The following NUDT9 variants were observed in gnomAD, a reference collection of about 807,000 sequenced individuals.
NUDT9 encodes ADP-ribose pyrophosphatase.
In NUDT9, 31 loss-of-function variants were observed where a neutral mutation model predicts 41.0. That is an observed-to-expected ratio of 0.76 (90% CI 0.57 to 1.02). The LOEUF is 1.02. Among genes scored for constraint, NUDT9 ranks in the 50% least tolerant of loss-of-function variants. The pLI is 0.00. For missense variants in NUDT9, 380 were observed against 431.4 expected (o/e 0.88, Z 1.06); for synonymous variants, 146 against 147.6 (o/e 0.99, Z 0.08).
intron 6 of NUDT9, among the ~76,000 whole-genome samples, chr4:87,452,255 G>A (rs1274724189): frequency 6.6e-6 from 1 of 151,914 alleles, no homozygotes; most frequent in African/African-American, 2.4e-5. Flanking sequence ...TGCCCGCCTC[G>A]GCCTCCCAAA....
chr4:87,449,166 T>C lies in NUDT9; in HGVS notation c.555T>C (p.Asn185=), dbSNP rs1722600651. The C allele has an allele frequency of 1.2e-6, 2 of 1,606,986 alleles. No homozygotes were observed. The highest frequency in any genetic ancestry group is 1.7e-6 in the Non-Finnish European group (2 of 1,173,734). Reference sequence around the variant, plus strand: ...GATGGAAAAGGGATAGCAGTGGAAATAAAATCATGCATCCTGTTTCTGGGA... The same window carrying C: ...GATGGAAAAGGGATAGCAGTGGAAACAAAATCATGCATCCTGTTTCTGGGA... ...ITRWKRDSSG[N]KIMHPVSGKH... is the part of the protein sequence containing the mutation. The change falls in exon 5 of 8, where the codon AAT becomes AAC. Residue 185 remains asparagine (N), a synonymous_variant. Transcript: ENST00000302174.
intron 7 of NUDT9, among the ~76,000 whole-genome samples, chr4:87,455,037 C>T (rs1578082060): frequency 6.6e-6 from 1 of 152,314 alleles, no homozygotes; most frequent in South Asian, 2.1e-4. Flanking sequence ...TCTTAATGTA[C>T]ACATTGAATG....
chr4:87,422,647 G>A lies in NUDT9; in HGVS notation c.-259G>A, dbSNP rs1578060574. 1 of 356,516 alleles carries A rather than the reference G, an allele frequency of 2.8e-6. No individual in the cohort carries two copies. Among genetic ancestry groups the A allele is most frequent in the Non-Finnish European group, 5.0e-6 (1 of 199,346 alleles). 22.1% of individuals were successfully genotyped at this position (356,516 alleles called of 1,614,324 possible). ...GTGGCCGCGGTTTCCCCAGGCAGCT[G>A]GCGCTGGAGGCTTCGGCGTCACGTG... is the stretch of plus-strand genomic sequence containing the variant. On this transcript the variant is annotated 5_prime_UTR_variant, in exon 1 of 8. Transcript: ENST00000302174.
chr4:87,425,430 C>T (rs1486451672), intron 1 of NUDT9, among the ~76,000 whole-genome samples: 3 of 130,960 alleles, frequency 2.3e-5, no homozygotes, highest in Non-Finnish European at 3.1e-5. Flanking sequence ...GTCTTGCTCT[C>T]GTTGCCAAGG....
rs754007311 is a variant in NUDT9, at chr4:87,423,031, A to G, written c.107+19A>G. 4.4e-6 allele frequency: 7 copies of G among 1,593,272 alleles called. No individual in the cohort carries two copies. The highest frequency in any genetic ancestry group is 6.0e-6 in the Non-Finnish European group (7 of 1,164,222). ...CGTTCAGGTATTCCACCCTCCTACT[A>G]CCGGCTCCTTTGCCCTAGACCTTGA... On this transcript the variant is annotated intron_variant, in intron 1 of 7. Transcript: ENST00000302174.
chr4:87,440,398 A>G (rs1335443545), intron 3 of NUDT9, among the ~76,000 whole-genome samples: 3 of 152,212 alleles, frequency 2.0e-5, no homozygotes, highest in African/African-American at 7.2e-5. Context: ...CTCTTTGCGA[A>G]TAACCATCTG....
intron 6 of NUDT9, 30 bp from the exon 7 acceptor site, chr4:87,454,341 T>C: frequency 7.2e-7 from 1 of 1,394,286 alleles, no homozygotes; most frequent in Non-Finnish European, 1.0e-6. Context: ...ACCTTGGACT[T>C]TTAAAAAATT....
At chr4:87,433,095 T>C (rs1275978256) in intron 1 of NUDT9, among the ~76,000 whole-genome samples, 1 of 152,216 alleles carries the variant, frequency 6.6e-6, no homozygotes, top group East Asian at 1.9e-4. Flanking sequence ...TTTAAATGTT[T>C]GGTAGAATTT....
At position 87,458,047 on chromosome 4, in the gene NUDT9, G is replaced by A. The variant is rs780912708; in HGVS notation, c.*26G>A. ...CTGATGGTCTCCGTGTAAGCCAAAG[G>A]CCCACAGAGGAGCATATACTGAAAA... On this transcript the variant is annotated 3_prime_UTR_variant, in exon 8 of 8. Coordinates refer to ENST00000302174, the MANE Select transcript of NUDT9 (RefSeq NM_024047.5). 1 of 1,494,378 alleles carries A rather than the reference G, an allele frequency of 6.7e-7. No homozygotes were observed. Among genetic ancestry groups the A allele is most frequent in the Non-Finnish European group, 8.9e-7 (1 of 1,128,928 alleles). 92.6% of individuals were successfully genotyped at this position (1,494,378 alleles called of 1,614,324 possible). A position where few individuals can be genotyped will look rare whatever the true frequency, so the allele number is the denominator to read the frequency against.
chr4:87,458,096 A>C lies in NUDT9; in HGVS notation c.*75A>C. ...AAGAAGGCAGTATCACAGAATTTAT[A>C]CTATAAAAAGGGCAGGGTAGGCCAC... On this transcript the variant is annotated 3_prime_UTR_variant, in exon 8 of 8. Coordinates refer to ENST00000302174, the MANE Select transcript of NUDT9 (RefSeq NM_024047.5). 3 of 1,387,906 alleles carry C rather than the reference A, an allele frequency of 2.2e-6. No individual in the cohort carries two copies. The South Asian group carries it at 5.5e-5, about 25-fold the overall frequency. The allele number at this position is 1,387,906 out of a possible 1,614,324, so 86.0% of individuals were successfully genotyped here. A position where few individuals can be genotyped will look rare whatever the true frequency, so the allele number is the denominator to read the frequency against.
chr4:87,432,850 G>A (rs1560789099), intron 1 of NUDT9, among the ~76,000 whole-genome samples: 1 of 151,684 alleles, frequency 6.6e-6, no homozygotes, highest in African/African-American at 2.4e-5. Context: ...TTCCAAGAAT[G>A]TCTCCCTTGG....
chr4:87,450,452 T>G (rs1722662886), intron 5 of NUDT9, among the ~76,000 whole-genome samples: 1 of 150,262 alleles, frequency 6.7e-6, no homozygotes, highest in Non-Finnish European at 1.5e-5. Context: ...TGATCTCAGC[T>G]TACTGCAGCC....
chr4:87,447,907 C>T (rs1448660653), intron 4 of NUDT9, among the ~76,000 whole-genome samples: 1 of 151,828 alleles, frequency 6.6e-6, no homozygotes, highest in Non-Finnish European at 1.5e-5. Flanking sequence ...TGGCCCACGC[C>T]TGTAGTCCTA....
At chr4:87,434,939 T>G (rs746916769) in intron 1 of NUDT9, 42 bp from the exon 2 acceptor site, 1 of 1,552,428 alleles carries the variant, frequency 6.4e-7, no homozygotes, top group Non-Finnish European at 8.8e-7. Flanking sequence ...AATTAATATA[T>G]TTTTGGTATT....
At position 87,443,895 on chromosome 4, in the gene NUDT9, T is replaced by C. The variant is rs149521543; in HGVS notation, c.530+1980T>C. Among the ~76,000 whole-genome samples the C allele has an allele frequency of 3.2e-4, 49 of 152,296 alleles. No individual in the cohort carries two copies. The East Asian group carries it at 8.1e-3, about 25-fold the overall frequency. ...AAGTTAGGAGTATGGACTGGAGCCATTGAAGGTTTCAGAACGGGGGAGAGG... is the reference window on the plus strand; with the variant it reads ...AAGTTAGGAGTATGGACTGGAGCCACTGAAGGTTTCAGAACGGGGGAGAGG... On this transcript the variant is annotated intron_variant, in intron 4 of 7. Transcript: ENST00000302174.
intron 2 of NUDT9, among the ~76,000 whole-genome samples, chr4:87,436,713 A>G (rs1187247633): frequency 6.6e-6 from 1 of 152,138 alleles, no homozygotes; most frequent in Non-Finnish European, 1.5e-5. Flanking sequence ...TGCATGTTAG[A>G]TGGCAGATTG....
chr4:87,435,469 C>T (rs964765594), intron 2 of NUDT9, among the ~76,000 whole-genome samples: 3 of 152,132 alleles, frequency 2.0e-5, no homozygotes, highest in African/African-American at 7.2e-5. Context: ...CAAATAGCAT[C>T]AGCTATGTGT....
At chr4:87,431,079 G>A (rs1721666052) in intron 1 of NUDT9, among the ~76,000 whole-genome samples, 1 of 152,110 alleles carries the variant, frequency 6.6e-6, no homozygotes, top group African/African-American at 2.4e-5. Context: ...TAGGTCTTAT[G>A]TTTAGGTCTT....
At chr4:87,437,311 A>G (rs1250731178) in intron 2 of NUDT9, among the ~76,000 whole-genome samples, 1 of 150,520 alleles carries the variant, frequency 6.6e-6, no homozygotes, top group Non-Finnish European at 1.5e-5. Flanking sequence ...TGATACAAAT[A>G]TAGTAAAGTG....
Sources: gnomAD v4.1 joint callset for allele counts (sites outside exome capture counted in the v4.1 genomes callset) on GRCh38, gnomAD v4.1.1 for gene constraint, MANE v1.5 for transcripts, NCBI Gene and HGNC (gene_info 2026-07-23, HGNC 2026-07-21) for gene names.